NKAIN1: variants seen among roughly 807,000 people sequenced by gnomAD.
NKAIN1 encodes sodium/potassium transporting ATPase interacting 1, also known as sodium/potassium-transporting ATPase subunit beta-1-interacting protein 1.
In NKAIN1, 13 loss-of-function variants were observed where a neutral mutation model predicts 31.6. That is an observed-to-expected ratio of 0.41 (90% CI 0.27 to 0.65). NKAIN1 has a LOEUF of 0.65. Ranked by LOEUF, NKAIN1 falls within the 30% of genes least tolerant of loss-of-function variation. NKAIN1 has a pLI of 0.30. For missense variants in NKAIN1, 193 were observed against 262.2 expected (o/e 0.74, Z 1.82); for synonymous variants, 104 against 109.0 (o/e 0.95, Z 0.28).
chr1:31,216,902 G>T (rs984013499), intron 1 of NKAIN1, among the ~76,000 whole-genome samples: 14 of 151,902 alleles, frequency 9.2e-5, no homozygotes, highest in African/African-American at 3.4e-4. Flanking sequence ...GGCTGTCTGT[G>T]TTGCCGAGGC....
chr1:31,182,617 A>AGGAAGGAGGAGTGGGAACCTCTTT (rs775700698), intron 4 of NKAIN1, 27 bp from the exon 5 acceptor site: 75 of 1,613,612 alleles, frequency 4.6e-5, no homozygotes, highest in Non-Finnish European at 6.2e-5. Flanking sequence ...CACGTCAGGG[A>AGGAAGGAGGAGTGGGAACCTCTTT]GGAAGGAGGA....
chr1:31,209,017 C>T (rs111586684), intron 1 of NKAIN1, among the ~76,000 whole-genome samples: 1 of 152,228 alleles, frequency 6.6e-6, no homozygotes, highest in Admixed American at 6.5e-5. Context: ...TCTCCCTTCA[C>T]AGGGAAGATG....
intron 3 of NKAIN1, among the ~76,000 whole-genome samples, chr1:31,184,499 G>C (rs1281203855): frequency 1.3e-5 from 2 of 152,082 alleles, no homozygotes; most frequent in Non-Finnish European, 2.9e-5. Flanking sequence ...TGCCGACCAG[G>C]GGCCAAGCAC....
At chr1:31,224,437 A>G (rs2377732) in intron 1 of NKAIN1, among the ~76,000 whole-genome samples, 61,958 of 152,012 alleles carry the variant, frequency 0.41, 15,771 homozygotes, top group African/African-American at 0.72. Flanking sequence ...ACGGGGCCAC[A>G]TCCCAATCAA....
At chr1:31,216,434 T>C (rs1004274434) in intron 1 of NKAIN1, among the ~76,000 whole-genome samples, 2 of 152,184 alleles carry the variant, frequency 1.3e-5, no homozygotes, top group Non-Finnish European at 2.9e-5. Context: ...TTTGATTCAT[T>C]TAATCTTCAA....
At position 31,212,474 on chromosome 1, in the gene NKAIN1, T is replaced by C. The variant is rs59923004; in HGVS notation, c.55-24287A>G. On this transcript the variant is annotated intron_variant, in intron 1 of 6. Coordinates refer to ENST00000373736, the MANE Select transcript of NKAIN1 (RefSeq NM_024522.3). ...GGCTGGAGTGCAGTGGCACAATCTC[T>C]GCTCACTGCAACCTCCACCTCCTAG... is the stretch of plus-strand genomic sequence containing the variant. Among the ~76,000 whole-genome samples the C allele has an allele frequency of 1.2e-4, 18 of 151,672 alleles. No individual in the cohort carries two copies. In the South Asian group the frequency reaches 1.7e-3, roughly 14 times the overall value.
chr1:31,225,274 C>G (rs1645594743), intron 1 of NKAIN1, among the ~76,000 whole-genome samples: 1 of 150,568 alleles, frequency 6.6e-6, no homozygotes, highest in Admixed American at 6.6e-5. Flanking sequence ...GATCTGCCCG[C>G]CTCAGCCTCC....
chr1:31,209,220 CAA>C (rs912427634), intron 1 of NKAIN1, among the ~76,000 whole-genome samples: 1 of 152,124 alleles, frequency 6.6e-6, no homozygotes, highest in Non-Finnish European at 1.5e-5. Context: ...ACTAAAAACA[CAA>C]AAGTTAGCTG....
At chr1:31,189,855 G>A (rs760742706) in intron 1 of NKAIN1, among the ~76,000 whole-genome samples, 1 of 152,342 alleles carries the variant, frequency 6.6e-6, no homozygotes, top group South Asian at 2.1e-4. Context: ...TGGGTGTGGT[G>A]TGAGCTTGGA....
chr1:31,185,730 C>T (rs1407742373), intron 2 of NKAIN1, among the ~76,000 whole-genome samples: 2 of 152,156 alleles, frequency 1.3e-5, no homozygotes, highest in Non-Finnish European at 2.9e-5. Context: ...ATTCTTGGGT[C>T]CTACCTCTAG....
Position 31,182,572 on chromosome 1 carries a change from C to T in NKAIN1, c.490G>A (p.Ala164Thr). The change falls in exon 5 of 7, where the codon GCC becomes ACC. Residue 164 changes from alanine (A) to threonine (T), a missense_variant. By Grantham distance (58) the Ala-to-Thr change is moderately conservative. Coordinates refer to ENST00000373736, the MANE Select transcript of NKAIN1 (RefSeq NM_024522.3). ...AGGAACACTTTGCTCACGTAGCAGG[C>T]GAACACGAAGCCGAACAGCTGGGAG... ...IFLALFGFVF[A>T]CYVSKVFLEE... The T allele has an allele frequency of 5.0e-6, 8 of 1,614,104 alleles. No homozygotes were observed. Among genetic ancestry groups the T allele is most frequent in the East Asian group, 4.5e-5 (2 of 44,872 alleles).
At chr1:31,232,410 T>TGGAG (rs1557664401) in intron 1 of NKAIN1, among the ~76,000 whole-genome samples, 2 of 33,218 alleles carry the variant, frequency 6.0e-5, no homozygotes, top group African/African-American at 1.7e-4. Context: ...TATATATATA[T>TGGAG]ATATATATAT....
At chr1:31,200,328 A>G (rs1244902061) in intron 1 of NKAIN1, among the ~76,000 whole-genome samples, 1 of 152,198 alleles carries the variant, frequency 6.6e-6, no homozygotes, top group African/African-American at 2.4e-5. Flanking sequence ...GAGTTATCTC[A>G]TAACAATAAA....
intron 1 of NKAIN1, among the ~76,000 whole-genome samples, chr1:31,198,161 C>T (rs1038390138): frequency 6.6e-6 from 1 of 152,176 alleles, no homozygotes; most frequent in Non-Finnish European, 1.5e-5. Flanking sequence ...CAGTGCTTGG[C>T]ACACTCCAGG....
chr1:31,235,401 C>T (rs562484873), intron 1 of NKAIN1, among the ~76,000 whole-genome samples: 7 of 152,056 alleles, frequency 4.6e-5, no homozygotes, highest in African/African-American at 1.2e-4. Context: ...AGAAAGGAAC[C>T]GGATCAAGAT....
At chr1:31,196,883 G>A (rs1235456186) in intron 1 of NKAIN1, among the ~76,000 whole-genome samples, 1 of 152,140 alleles carries the variant, frequency 6.6e-6, no homozygotes, top group Non-Finnish European at 1.5e-5. Flanking sequence ...CAGGAGCAAA[G>A]CCTGAGTCAG....
intron 1 of NKAIN1, among the ~76,000 whole-genome samples, chr1:31,236,058 C>G (rs1645690311): frequency 6.6e-6 from 1 of 152,180 alleles, no homozygotes; most frequent in Admixed American, 6.5e-5. Flanking sequence ...GTCCTCACAA[C>G]AACCCTAAGG....
intron 1 of NKAIN1, among the ~76,000 whole-genome samples, chr1:31,232,282 G>A (rs1190715464): frequency 6.8e-6 from 1 of 147,046 alleles, no homozygotes; most frequent in East Asian, 2.0e-4. Flanking sequence ...GTAGAGACAG[G>A]GTTTCACCAT....
intron 1 of NKAIN1, among the ~76,000 whole-genome samples, chr1:31,216,692 T>TTATCTATC (rs552756649): frequency 6.9e-6 from 1 of 144,590 alleles, no homozygotes; most frequent in African/African-American, 2.7e-5. Context: ...GCATTGACTT[T>TTATCTATC]TATTTATTTA....
Sources: allele counts gnomAD v4.1 joint callset (sites outside exome capture counted in the v4.1 genomes callset), GRCh38; gene constraint gnomAD v4.1.1; transcripts MANE v1.5; gene names NCBI Gene and HGNC (gene_info 2026-07-23, HGNC 2026-07-21).